Variants in ELP1 observed in about 807,000 individuals in gnomAD.
The protein encoded by ELP1 is elongator acetyltransferase complex subunit 1.
Under a neutral mutation model 183.2 loss-of-function variants are expected in ELP1, and 131 were observed. That is an observed-to-expected ratio of 0.72 (90% CI 0.62 to 0.83). The LOEUF (loss-of-function observed/expected upper bound fraction) is 0.83, where lower values mean the gene tolerates loss of function less well. ELP1 is among the 40% of genes least tolerant of loss of function. The pLI, the probability that ELP1 is intolerant of heterozygous loss-of-function variation, is 0.00. For missense variants in ELP1, 1,550 were observed against 1,594.9 expected (o/e 0.97, Z 0.48); for synonymous variants, 555 against 569.0 (o/e 0.98, Z 0.35).
chr9:108,870,740 T>A (rs116550625), intron 36 of ELP1, among the ~76,000 whole-genome samples: 1 of 152,218 alleles, frequency 6.6e-6, no homozygotes, highest in Non-Finnish European at 1.5e-5. Flanking sequence ...TAACATAGAA[T>A]CATCCATGTT....
At chr9:108,933,443 A>T (rs1352729154) in intron 1 of ELP1, among the ~76,000 whole-genome samples, 1 of 152,218 alleles carries the variant, frequency 6.6e-6, no homozygotes, top group Non-Finnish European at 1.5e-5. Context: ...CGGGAGAGAA[A>T]GCCACGTAAA....
chr9:108,922,404 A>G (rs937981765), intron 6 of ELP1, among the ~76,000 whole-genome samples: 2 of 152,160 alleles, frequency 1.3e-5, no homozygotes, highest in Non-Finnish European at 2.9e-5. Context: ...GAATTTTCCA[A>G]TCCAGAAGTA....
At chr9:108,898,924 T>G (rs1257787546) in intron 20 of ELP1, among the ~76,000 whole-genome samples, 175 bp from the exon 21 acceptor site, 1 of 152,182 alleles carries the variant, frequency 6.6e-6, no homozygotes, top group African/African-American at 2.4e-5. Flanking sequence ...AGGTACCACA[T>G]TCATTTACCT....
At chr9:108,895,062 C>A (rs1409088121) in intron 25 of ELP1, among the ~76,000 whole-genome samples, 1 of 152,090 alleles carries the variant, frequency 6.6e-6, no homozygotes, top group Non-Finnish European at 1.5e-5. Flanking sequence ...GCCTGGGCAA[C>A]ATGGCGAAAC....
chr9:108,896,297 A>C (rs755703969), intron 25 of ELP1, among the ~76,000 whole-genome samples, 199 bp downstream of exon 25: 3 of 152,246 alleles, frequency 2.0e-5, no homozygotes, highest in Middle Eastern at 3.4e-3. Context: ...ATTTTACTTC[A>C]CTTCTTCAAC....
chr9:108,914,923 T>A (rs922033208), intron 10 of ELP1, among the ~76,000 whole-genome samples: 2 of 152,188 alleles, frequency 1.3e-5, no homozygotes, highest in Non-Finnish European at 2.9e-5. Flanking sequence ...CCACCGCACC[T>A]GGCCCATACC....
At chr9:108,871,276 G>C (rs911194958) in intron 36 of ELP1, among the ~76,000 whole-genome samples, 4 of 150,082 alleles carry the variant, frequency 2.7e-5, no homozygotes, top group Non-Finnish European at 1.5e-5. Context: ...TCTAGAGGCT[G>C]AATTAGAGAT....
intron 1 of ELP1, 139 bp from the exon 2 acceptor site, chr9:108,931,340 T>C (rs564027107): frequency 1.0e-5 from 6 of 595,218 alleles, no homozygotes; most frequent in Non-Finnish European, 1.5e-5. Context: ...TACACACCCA[T>C]GTATGGATTA....
At chr9:108,896,768 C>T (rs1828565786) in intron 24 of ELP1, 124 bp from the exon 25 acceptor site, 3 of 1,058,402 alleles carry the variant, frequency 2.8e-6, no homozygotes, top group Non-Finnish European at 4.4e-6. Context: ...AGAATATATA[C>T]TTCTGATACT....
intron 11 of ELP1, among the ~76,000 whole-genome samples, chr9:108,911,902 A>T (rs545807914): frequency 6.6e-6 from 1 of 152,316 alleles, no homozygotes; most frequent in African/African-American, 2.4e-5. Context: ...GTGGGGTGGT[A>T]TAAGGGTCAA....
At chr9:108,907,920 T>TG (rs1829077863) in intron 13 of ELP1, among the ~76,000 whole-genome samples, 1 of 152,206 alleles carries the variant, frequency 6.6e-6, no homozygotes, top group African/African-American at 2.4e-5. Flanking sequence ...TTCTAGATTC[T>TG]GGGATGGAGC....
intron 1 of ELP1, among the ~76,000 whole-genome samples, chr9:108,933,208 G>A (rs896012010): frequency 2.6e-5 from 4 of 152,190 alleles, no homozygotes; most frequent in African/African-American, 9.7e-5. Flanking sequence ...ACTATTTGGG[G>A]ACAGACCATT....
rs1359299563 is a variant in ELP1, at chr9:108,868,255, GAC to G, written c.*858_*859del. Reference sequence around the variant, plus strand: ...TGAAAATAAAATATTCTCATTTTGAGACAGTTTTTTTTGGTGAGGGCGTGGAG... The same window carrying G: ...TGAAAATAAAATATTCTCATTTTGAGAGTTTTTTTTGGTGAGGGCGTGGAG... On this transcript the variant is annotated 3_prime_UTR_variant, in exon 37 of 37. Transcript: ENST00000374647. 1.3e-5 allele frequency: 2 copies of G among 153,044 alleles called. No individual in the cohort carries two copies. Among genetic ancestry groups the G allele is most frequent in the African/African-American group, 4.8e-5 (2 of 41,522 alleles). 9.5% of individuals were successfully genotyped at this position (153,044 alleles called of 1,614,324 possible).
intron 5 of ELP1, among the ~76,000 whole-genome samples, chr9:108,923,530 A>T (rs1829731128): frequency 6.6e-6 from 1 of 152,214 alleles, no homozygotes. Context: ...TCACCTTATA[A>T]GTAAGAAGAA....
chr9:108,893,571 C>T (rs144329316), intron 26 of ELP1, among the ~76,000 whole-genome samples: 4 of 152,152 alleles, frequency 2.6e-5, no homozygotes, highest in African/African-American at 9.7e-5. Context: ...TTGCAGGGCA[C>T]GGGGAGGTGG....
At chr9:108,896,820 A>T (rs1828567996) in intron 24 of ELP1, 133 bp downstream of exon 24, 1 of 1,064,074 alleles carries the variant, frequency 9.4e-7, no homozygotes, top group African/African-American at 1.6e-5. Flanking sequence ...AAAACTGACA[A>T]GGGTCTTAAA....
chr9:108,897,437 C>T, intron 22 of ELP1, 152 bp from the exon 23 acceptor site: 1 of 846,216 alleles, frequency 1.2e-6, no homozygotes, highest in Non-Finnish European at 1.9e-6. Flanking sequence ...AAAACATGTC[C>T]ACAAAAGACT....
chr9:108,879,401 T>C lies in ELP1; in HGVS notation c.3572+45A>G, dbSNP rs372223039. 98 of 1,426,604 alleles carry C rather than the reference T, an allele frequency of 6.9e-5. No individual in the cohort carries two copies. The highest frequency in any genetic ancestry group is 9.0e-5 in the Non-Finnish European group (91 of 1,009,490). 88.4% of individuals were successfully genotyped at this position (1,426,604 alleles called of 1,614,324 possible). On this transcript the variant is annotated intron_variant, in intron 33 of 36. Transcript: ENST00000374647. ...AATCTATTTGCTTCCACTTTCCCTA[T>C]ATGCCCAGGATATAGTCAATGTGCT...
At chr9:108,884,421 C>T (rs1457121429) in intron 29 of ELP1, among the ~76,000 whole-genome samples, 1 of 152,134 alleles carries the variant, frequency 6.6e-6, no homozygotes, top group Non-Finnish European at 1.5e-5. Flanking sequence ...ATTTATAGAA[C>T]ACTCCATCCA....
Sources: allele counts gnomAD v4.1 joint callset (sites outside exome capture counted in the v4.1 genomes callset), GRCh38; gene constraint gnomAD v4.1.1; transcripts MANE v1.5; gene names NCBI Gene and HGNC (gene_info 2026-07-23, HGNC 2026-07-21).